Variants in NPSR1 observed in about 807,000 individuals in gnomAD.
NPSR1 encodes neuropeptide S receptor 1.
A neutral mutation model predicts 46.9 loss-of-function variants in NPSR1; 48 were observed. The ratio of observed to expected loss-of-function variants is 1.02; its 90% CI spans 0.81 to 1.30. The LOEUF (loss-of-function observed/expected upper bound fraction) is 1.30. Ranked by LOEUF, NPSR1 falls within the 50% of genes most tolerant of loss-of-function variation. The probability of loss-of-function intolerance (pLI) is 0.00; values close to 1 mark genes in which losing one functional copy is unlikely to be tolerated. For missense variants in NPSR1, 450 were observed against 449.5 expected, an observed-to-expected ratio of 1.00 and a Z score of -0.01; for synonymous variants, 176 against 168.1, an observed-to-expected ratio of 1.05 and a Z score of -0.36.
At chr7:34,877,247 T>C (rs1269071515) in intron 8 of NPSR1, among the ~76,000 whole-genome samples, 5 of 151,898 alleles carry the variant, frequency 3.3e-5, no homozygotes, top group African/African-American at 1.2e-4. Flanking sequence ...TGGTGGGACT[T>C]GGATGCATGG....
At chr7:34,844,327 T>G (rs1249634213) in intron 6 of NPSR1, among the ~76,000 whole-genome samples, 2 of 152,192 alleles carry the variant, frequency 1.3e-5, no homozygotes, top group Non-Finnish European at 2.9e-5. Flanking sequence ...ATTCTTATAT[T>G]TACCCCTCAG....
At chr7:34,818,297 A>G (rs1460206108) in intron 4 of NPSR1, among the ~76,000 whole-genome samples, 1 of 152,236 alleles carries the variant, frequency 6.6e-6, no homozygotes, top group Non-Finnish European at 1.5e-5. Flanking sequence ...GAGCCAAATC[A>G]TGAGTGAATT....
intron 1 of NPSR1, among the ~76,000 whole-genome samples, chr7:34,663,067 C>CTGTGTGTG (rs1425497014): frequency 1.0e-5 from 1 of 99,386 alleles, no homozygotes; most frequent in Non-Finnish European, 1.9e-5. Flanking sequence ...CTCTCTCTCT[C>CTGTGTGTG]TGTGTGTGTG....
chr7:34,770,129 A>G (rs1241304653), intron 2 of NPSR1, among the ~76,000 whole-genome samples: 1 of 152,208 alleles, frequency 6.6e-6, no homozygotes, highest in Non-Finnish European at 1.5e-5. Flanking sequence ...GATTATTGTT[A>G]TTTACATAAC....
At chr7:34,767,497 C>T (rs886703449) in intron 2 of NPSR1, among the ~76,000 whole-genome samples, 65 of 151,202 alleles carry the variant, frequency 4.3e-4, no homozygotes, top group African/African-American at 1.4e-3. Context: ...TTCTAGGAAT[C>T]GTAGACTTTA....
chr7:34,827,377 C>A, intron 4 of NPSR1, 24 bp from the exon 5 acceptor site: 1 of 1,609,860 alleles, frequency 6.2e-7, no homozygotes, highest in Middle Eastern at 1.7e-4. Context: ...CATACCCAGA[C>A]ATTCCTCTCT....
intron 3 of NPSR1, among the ~76,000 whole-genome samples, chr7:34,808,435 C>T (rs576574889): frequency 6.6e-6 from 1 of 152,212 alleles, no homozygotes; most frequent in South Asian, 2.1e-4. Flanking sequence ...AAAAGAGAGA[C>T]CCAAAATACA....
intron 4 of NPSR1, among the ~76,000 whole-genome samples, chr7:34,820,362 T>C: frequency 6.6e-6 from 1 of 152,186 alleles, no homozygotes; most frequent in Non-Finnish European, 1.5e-5. Context: ...CTCGGTCATT[T>C]GGTGTGTCTG....
At chr7:34,728,774 T>C (rs35354632) in intron 2 of NPSR1, 19,217 of 152,738 alleles carry the variant, frequency 0.13, 1,482 homozygotes, top group Non-Finnish European at 0.17. Context: ...GGCATGAAGA[T>C]TGCAGTGACT....
chr7:34,834,554 C>T (rs963419100), intron 6 of NPSR1, 94 bp downstream of exon 6: 37 of 878,854 alleles, frequency 4.2e-5, no homozygotes, highest in Middle Eastern at 2.2e-4. Flanking sequence ...CCTTGATACA[C>T]AAGCATACAG....
chr7:34,794,638 C>A (rs1158390862), intron 3 of NPSR1, among the ~76,000 whole-genome samples: 1 of 152,100 alleles, frequency 6.6e-6, no homozygotes, highest in Non-Finnish European at 1.5e-5. Flanking sequence ...CAAGTCTCTA[C>A]AGTTGCATTG....
At chr7:34,866,208 G>A (rs1322789899) in intron 8 of NPSR1, among the ~76,000 whole-genome samples, 1 of 151,810 alleles carries the variant, frequency 6.6e-6, no homozygotes, top group African/African-American at 2.4e-5. Flanking sequence ...CGATGGATTG[G>A]TCAGCACACT....
chr7:34,729,565 T>C (rs12532883), intron 2 of NPSR1, among the ~76,000 whole-genome samples: 21,886 of 152,098 alleles, frequency 0.14, 2,076 homozygotes, highest in East Asian at 0.34. Flanking sequence ...TTGGAAATGA[T>C]ATGATTAAGA....
At chr7:34,759,892 A>G (rs1786074189) in intron 2 of NPSR1, among the ~76,000 whole-genome samples, 1 of 152,204 alleles carries the variant, frequency 6.6e-6, no homozygotes, top group Admixed American at 6.5e-5. Flanking sequence ...ATCCTAACAC[A>G]GAATTGCCCC....
rs139649270 is a variant in NPSR1, at chr7:34,825,062, C to G, written c.479-2339C>G. 2.6e-5 allele frequency among the ~76,000 whole-genome samples: 4 copies of G among 152,324 alleles called. No individual in the cohort carries two copies. The East Asian group carries it at 7.7e-4, about 29-fold the overall frequency. On this transcript the variant is annotated intron_variant, in intron 4 of 8. Transcript: ENST00000360581. ...CTCCTGCCTCCTGAGGTGGCTGATT[C>G]CCTTAAGACATCTCAAGAGGATGCT...
chr7:34,841,696 T>C (rs778116002), intron 6 of NPSR1, among the ~76,000 whole-genome samples: 22 of 152,228 alleles, frequency 1.4e-4, no homozygotes, highest in Middle Eastern at 3.2e-3. Flanking sequence ...TGCTTTTCAC[T>C]GATCTCTGGG....
intron 2 of NPSR1, among the ~76,000 whole-genome samples, chr7:34,715,008 A>G (rs1233982720): frequency 6.6e-6 from 1 of 152,198 alleles, no homozygotes; most frequent in African/African-American, 2.4e-5. Context: ...CCAGATTAAC[A>G]CAAATGACAA....
At chr7:34,669,764 T>C (rs1271138935) in intron 1 of NPSR1, among the ~76,000 whole-genome samples, 1 of 152,132 alleles carries the variant, frequency 6.6e-6, no homozygotes, top group African/African-American at 2.4e-5. Flanking sequence ...TTTGAGCAGA[T>C]GAGGCCCAGA....
chr7:34,771,096 T>G (rs1210477915), intron 2 of NPSR1, among the ~76,000 whole-genome samples: 1 of 152,150 alleles, frequency 6.6e-6, no homozygotes, highest in Non-Finnish European at 1.5e-5. Flanking sequence ...AGTGGAAGGC[T>G]TTTATTCTAA....
Sources: gnomAD v4.1 joint callset for allele counts (sites outside exome capture counted in the v4.1 genomes callset) on GRCh38, gnomAD v4.1.1 for gene constraint, MANE v1.5 for transcripts, NCBI Gene and HGNC (gene_info 2026-07-23, HGNC 2026-07-21) for gene names.